The following LUZP2 variants were observed in gnomAD, a reference collection of about 807,000 sequenced individuals.
LUZP2 encodes leucine zipper protein 2.
LUZP2 carries 52 observed loss-of-function variants against 51.6 expected under a neutral mutation model. The observed-to-expected ratio is 1.01, with a 90% CI of 0.81 to 1.27. LUZP2 has a LOEUF of 1.27. Among genes scored for constraint, LUZP2 ranks in the 50% most tolerant of loss-of-function variants. LUZP2 has a pLI of 0.00. For synonymous variants in LUZP2, 154 were observed against 137.3 expected, an observed-to-expected ratio of 1.12 and a Z score of -0.85; for missense variants, 436 against 395.4, an observed-to-expected ratio of 1.10 and a Z score of -0.87.
At chr11:25,040,255 G>T (rs1287474643) in intron 9 of LUZP2, among the ~76,000 whole-genome samples, 1 of 149,522 alleles carries the variant, frequency 6.7e-6, no homozygotes, top group Non-Finnish European at 1.5e-5. Flanking sequence ...TGGCCATAAA[G>T]CAAGCTTTAA....
At chr11:24,665,208 A>G (rs1179644133) in intron 1 of LUZP2, among the ~76,000 whole-genome samples, 1 of 152,136 alleles carries the variant, frequency 6.6e-6, no homozygotes, top group African/African-American at 2.4e-5. Context: ...TGACTGCCTT[A>G]TTGGATTTTG....
At chr11:24,581,728 TATAAATG>T (rs1194425117) in intron 1 of LUZP2, among the ~76,000 whole-genome samples, 1 of 118,920 alleles carries the variant, frequency 8.4e-6, no homozygotes, top group African/African-American at 3.0e-5. Flanking sequence ...TAAATATAAA[TATAAATG>T]TGCTAACCTT....
chr11:24,965,978 A>G (rs1264952717), intron 7 of LUZP2, among the ~76,000 whole-genome samples: 2 of 151,926 alleles, frequency 1.3e-5, no homozygotes, highest in East Asian at 3.9e-4. Flanking sequence ...ACTGTGACTC[A>G]TGGATCATTA....
At chr11:24,902,186 T>A (rs558803172) in intron 5 of LUZP2, among the ~76,000 whole-genome samples, 31 of 152,274 alleles carry the variant, frequency 2.0e-4, no homozygotes, top group African/African-American at 7.2e-4. Flanking sequence ...CAGGGGTACA[T>A]GTGCAGGTTT....
chr11:25,005,676 A>G (rs1418381373), intron 9 of LUZP2, among the ~76,000 whole-genome samples: 1 of 152,036 alleles, frequency 6.6e-6, no homozygotes, highest in Non-Finnish European at 1.5e-5. Flanking sequence ...TGCTGATTGG[A>G]ATAGTTGTGC....
At chr11:24,931,263 AT>A (rs1436004567) in intron 7 of LUZP2, among the ~76,000 whole-genome samples, 11 of 105,358 alleles carry the variant, frequency 1.0e-4, no homozygotes, top group African/African-American at 3.4e-4. Context: ...ATAAAATAAA[AT>A]AAAATAAAAA....
intron 10 of LUZP2, among the ~76,000 whole-genome samples, chr11:25,056,674 A>T (rs192257384): frequency 9.2e-5 from 14 of 152,314 alleles, no homozygotes; most frequent in African/African-American, 3.1e-4. Flanking sequence ...CACCAAGTCA[A>T]CTGGTAAAAC....
chr11:24,748,733 A>G (rs1044848855), intron 4 of LUZP2, among the ~76,000 whole-genome samples: 1 of 152,180 alleles, frequency 6.6e-6, no homozygotes, highest in African/African-American at 2.4e-5. Context: ...CTGGGATTAT[A>G]GGTATGAGCC....
intron 5 of LUZP2, among the ~76,000 whole-genome samples, chr11:24,804,786 A>G (rs1849804360): frequency 1.3e-5 from 2 of 152,120 alleles, no homozygotes; most frequent in East Asian, 3.9e-4. Flanking sequence ...TCAGATGCCA[A>G]GGTGACATAT....
chr11:25,016,970 C>T (rs989781895), intron 9 of LUZP2, among the ~76,000 whole-genome samples: 4 of 151,934 alleles, frequency 2.6e-5, no homozygotes, highest in African/African-American at 9.7e-5. Context: ...GGCATTATGG[C>T]TGTGGTAAGG....
chr11:24,790,604 C>T (rs1590532750), intron 5 of LUZP2, among the ~76,000 whole-genome samples: 1 of 152,008 alleles, frequency 6.6e-6, no homozygotes, highest in Non-Finnish European at 1.5e-5. Flanking sequence ...GGGGTTCAAG[C>T]GATTCTCCTG....
intron 9 of LUZP2, among the ~76,000 whole-genome samples, chr11:24,998,277 G>T (rs960640388): frequency 7.9e-5 from 12 of 152,224 alleles, no homozygotes; most frequent in Non-Finnish European, 1.3e-4. Context: ...CCATTTGTTT[G>T]TATCCTCTTT....
intron 5 of LUZP2, among the ~76,000 whole-genome samples, chr11:24,777,184 G>A (rs540524846): frequency 2.6e-5 from 4 of 151,842 alleles, no homozygotes; most frequent in Admixed American, 6.6e-5. Context: ...TAGTAGATTC[G>A]GGGTTTCACC....
At chr11:24,612,016 C>A (rs556722733) in intron 1 of LUZP2, among the ~76,000 whole-genome samples, 7 of 152,044 alleles carry the variant, frequency 4.6e-5, no homozygotes, top group African/African-American at 1.7e-4. Context: ...AGATCATGTA[C>A]TGAAAAAATG....
At chr11:24,860,075 C>G (rs1851692504) in intron 5 of LUZP2, among the ~76,000 whole-genome samples, 1 of 152,200 alleles carries the variant, frequency 6.6e-6, no homozygotes, top group Admixed American at 6.5e-5. Flanking sequence ...GCACCCATCT[C>G]TATAGCTCCA....
chr11:24,898,806 T>A (rs1454945590), intron 5 of LUZP2, among the ~76,000 whole-genome samples: 1 of 152,100 alleles, frequency 6.6e-6, no homozygotes, highest in African/African-American at 2.4e-5. Flanking sequence ...AAAACCCTTG[T>A]GAGGTACCTG....
intron 5 of LUZP2, among the ~76,000 whole-genome samples, chr11:24,897,331 G>C (rs1243145526): frequency 1.3e-5 from 2 of 152,184 alleles, no homozygotes; most frequent in Non-Finnish European, 2.9e-5. Flanking sequence ...CGCCTCTGTG[G>C]AAGCTTTGTT....
chr11:24,718,909 C>A (rs996077348), intron 1 of LUZP2, among the ~76,000 whole-genome samples: 1 of 152,116 alleles, frequency 6.6e-6, no homozygotes, highest in African/African-American at 2.4e-5. Context: ...TCATTTTAAT[C>A]TTAGATCTAG....
chr11:24,777,012 T>A (rs1372289547), intron 5 of LUZP2, among the ~76,000 whole-genome samples: 2 of 148,712 alleles, frequency 1.3e-5, no homozygotes, highest in African/African-American at 5.1e-5. Flanking sequence ...TTTTTTTTTT[T>A]AGACAAGAGT....
Sources: allele counts gnomAD v4.1 joint callset (sites outside exome capture counted in the v4.1 genomes callset), GRCh38; gene constraint gnomAD v4.1.1; transcripts MANE v1.5; gene names NCBI Gene and HGNC (gene_info 2026-07-23, HGNC 2026-07-21).